CPVL: variants seen among roughly 807,000 people sequenced by gnomAD.
CPVL encodes the protein probable serine carboxypeptidase CPVL.
CPVL carries 51 observed loss-of-function variants against 63.7 expected under a neutral mutation model. The ratio of observed to expected loss-of-function variants is 0.80; its 90% CI spans 0.64 to 1.01. The LOEUF is 1.01. Ranked by LOEUF, CPVL falls within the 50% of genes least tolerant of loss-of-function variation. The pLI, the probability that CPVL is intolerant of heterozygous loss-of-function variation, is 0.00. For synonymous variants in CPVL, 195 were observed against 206.0 expected, an observed-to-expected ratio of 0.95 and a Z score of 0.46; for missense variants, 530 against 573.1, an observed-to-expected ratio of 0.92 and a Z score of 0.77.
At chr7:29,125,765 G>C (rs1789952660) in intron 1 of CPVL, among the ~76,000 whole-genome samples, 1 of 152,162 alleles carries the variant, frequency 6.6e-6, no homozygotes, top group Non-Finnish European at 1.5e-5. Flanking sequence ...ATAACAGCCT[G>C]TAATAGTCTT....
chr7:29,116,312 A>G (rs1788776265), intron 2 of CPVL, among the ~76,000 whole-genome samples: 1 of 152,228 alleles, frequency 6.6e-6, no homozygotes, highest in Non-Finnish European at 1.5e-5. Flanking sequence ...AAATCCCAGT[A>G]AAATAATTTA....
chr7:29,085,955 C>T (rs1785155724), intron 7 of CPVL, among the ~76,000 whole-genome samples: 1 of 152,092 alleles, frequency 6.6e-6, no homozygotes, highest in South Asian at 2.1e-4. Flanking sequence ...ACCTAGTGCA[C>T]CCATGGTAAT....
Position 29,035,072 on chromosome 7 carries a change from G to A in CPVL, c.1138-4313C>T, listed in dbSNP as rs558461724. 1.9e-4 allele frequency among the ~76,000 whole-genome samples: 28 copies of A among 146,272 alleles called. 1 individual carries two copies. The highest frequency in any genetic ancestry group is 1.7e-3 in the Admixed American group (26 of 15,002). On this transcript the variant is annotated intron_variant, in intron 11 of 12. Transcript: ENST00000265394. ...AAGCCTTTCCAAGAGACGGCATTTGGTGACTTGGACCACAAGCATCTTTTT... is the reference window on the plus strand; with the variant it reads ...AAGCCTTTCCAAGAGACGGCATTTGATGACTTGGACCACAAGCATCTTTTT...
At chr7:29,046,871 TGAG>T (rs1023716610) in intron 11 of CPVL, among the ~76,000 whole-genome samples, 3 of 152,186 alleles carry the variant, frequency 2.0e-5, no homozygotes, top group African/African-American at 7.2e-5. Context: ...ATTTTTAAAA[TGAG>T]GATACATCTT....
chr7:29,095,685 C>T (rs558575639), intron 4 of CPVL, among the ~76,000 whole-genome samples: 37 of 152,144 alleles, frequency 2.4e-4, no homozygotes, highest in African/African-American at 7.5e-4. Flanking sequence ...CAGCCCCCAC[C>T]GGGAATAGCG....
At chr7:29,179,780 G>C (rs1168684746) in intron 5 of CPVL, among the ~76,000 whole-genome samples, 2 of 151,994 alleles carry the variant, frequency 1.3e-5, no homozygotes, top group East Asian at 3.8e-4. Context: ...TTTGTGGAGG[G>C]GCTATATAGC....
At chr7:29,003,052 T>A (rs1460105329) in intron 12 of CPVL, among the ~76,000 whole-genome samples, 1 of 130,838 alleles carries the variant, frequency 7.6e-6, no homozygotes, top group Non-Finnish European at 1.6e-5. Flanking sequence ...TTTGAGAAGC[T>A]CTATGAATCC....
chr7:29,075,157 T>C (rs1784117536), intron 7 of CPVL, among the ~76,000 whole-genome samples: 1 of 152,118 alleles, frequency 6.6e-6, no homozygotes, highest in African/African-American at 2.4e-5. Flanking sequence ...GCATGTACTT[T>C]AAGTTGCTAG....
chr7:29,114,451 A>T (rs1253586644), intron 2 of CPVL, among the ~76,000 whole-genome samples: 1 of 152,066 alleles, frequency 6.6e-6, no homozygotes, highest in Non-Finnish European at 1.5e-5. Context: ...GCAGGTGGCA[A>T]GGAGTGGGAA....
chr7:29,027,137 C>T (rs906004023), intron 12 of CPVL, among the ~76,000 whole-genome samples: 9 of 152,168 alleles, frequency 5.9e-5, no homozygotes, highest in African/African-American at 2.2e-4. Context: ...AGATAATACA[C>T]CATAATCAAG....
At position 29,195,094 on chromosome 7, in the gene CPVL, G is replaced by A. The variant is rs10252034; in HGVS notation, c.-465C>T. Reference sequence around the variant, plus strand: ...GAGCCTACCTGTGGCCATCCCGCCCGCTCTCTCGGAATGGGGGCAGGCGTC... The same window carrying A: ...GAGCCTACCTGTGGCCATCCCGCCCACTCTCTCGGAATGGGGGCAGGCGTC... On this transcript the variant is annotated 5_prime_UTR_variant, in exon 1 of 17. Coordinates refer to the CPVL transcript ENST00000409850. 6.7e-4 allele frequency: 862 copies of A among 1,287,466 alleles called. 6 individuals carry two copies. In the African/African-American group the frequency reaches 0.011, roughly 16 times the overall value. The allele number at this position is 1,287,466 out of a possible 1,614,324, so 79.8% of individuals were successfully genotyped here. A position where few individuals can be genotyped will look rare whatever the true frequency, so the allele number is the denominator to read the frequency against.
chr7:29,180,219 G>C (rs566010802), intron 5 of CPVL, among the ~76,000 whole-genome samples: 1 of 152,188 alleles, frequency 6.6e-6, no homozygotes, highest in South Asian at 2.1e-4. Context: ...TTTAAAATGT[G>C]ATAACGTACC....
At chr7:29,188,313 G>C (rs1336647233) in intron 1 of CPVL, among the ~76,000 whole-genome samples, 2 of 152,084 alleles carry the variant, frequency 1.3e-5, no homozygotes, top group African/African-American at 2.4e-5. Flanking sequence ...TTTGCTCAGG[G>C]TCACACAGCT....
chr7:29,137,096 T>C (rs774240382), intron 1 of CPVL, among the ~76,000 whole-genome samples: 1 of 152,226 alleles, frequency 6.6e-6, no homozygotes, highest in Non-Finnish European at 1.5e-5. Flanking sequence ...ACTTCCCTCA[T>C]GTGCTGCTGT....
At position 29,120,903 on chromosome 7, in the gene CPVL, C is replaced by A. The variant is rs1789301901; in HGVS notation, c.159G>T (p.Lys53Asn). Reference protein sequence around the residue: ...LFLTPYIEAGKIQKGRELSLV... With the variant: ...LFLTPYIEAGNIQKGRELSLV... The stretch of plus-strand genomic sequence containing the variant: ...ATTAAACTTACTTACCTTTTTGGAT[C>A]TTCCCAGCTTCAATGTAAGGGGTGA... Residue 53 changes from lysine (K) to asparagine (N), a missense_variant, in exon 2 of 13, where the codon AAG becomes AAT. Transcript: ENST00000265394. The A allele has an allele frequency of 1.9e-6, 3 of 1,599,418 alleles. No homozygotes were observed. The highest frequency in any genetic ancestry group is 2.6e-6 in the Non-Finnish European group (3 of 1,172,334).
intron 12 of CPVL, among the ~76,000 whole-genome samples, chr7:29,006,948 T>A (rs761014562): frequency 1.3e-5 from 2 of 152,182 alleles, no homozygotes; most frequent in Non-Finnish European, 2.9e-5. Flanking sequence ...ACAAGTGATT[T>A]TGTGAGTCTT....
intron 1 of CPVL, among the ~76,000 whole-genome samples, chr7:29,190,700 C>T (rs184354389): frequency 4.6e-5 from 7 of 152,214 alleles, no homozygotes; most frequent in Non-Finnish European, 7.4e-5. Flanking sequence ...CTTACATGAC[C>T]GTCAAGTTCT....
chr7:29,030,846 G>A, intron 11 of CPVL, 87 bp from the exon 12 acceptor site: 1 of 1,045,440 alleles, frequency 9.6e-7, no homozygotes, highest in Admixed American at 2.7e-5. Context: ...GAGCCAGTGA[G>A]AGAGAAAAAG....
In CPVL at chr7:29,189,280, C is replaced by A. The variant is rs1168663329; in HGVS notation, c.-447-2733G>T. ...TTCCCTCATATCTTTATTCCCCAGG[C>A]CTCGTATACTCCCTGGCACATAATG... On this transcript the variant is annotated intron_variant, in intron 1 of 16. Coordinates refer to the CPVL transcript ENST00000409850. 2.0e-5 allele frequency among the ~76,000 whole-genome samples: 3 copies of A among 152,194 alleles called. No homozygotes were observed. The East Asian group carries it at 5.8e-4, about 29-fold the overall frequency.
Sources: allele counts gnomAD v4.1 joint callset (sites outside exome capture counted in the v4.1 genomes callset), GRCh38; gene constraint gnomAD v4.1.1; transcripts MANE v1.5; gene names NCBI Gene and HGNC (gene_info 2026-07-23, HGNC 2026-07-21).